The following NFIB variants were observed in gnomAD, a reference collection of about 807,000 sequenced individuals.
NFIB encodes the protein nuclear factor I B.
A neutral mutation model predicts 61.5 loss-of-function variants in NFIB; 11 were observed. The observed-to-expected ratio is 0.18, with a 90% CI of 0.11 to 0.30. NFIB has a LOEUF of 0.30. Ranked by LOEUF, NFIB falls within the 10% of genes least tolerant of loss-of-function variation. The probability of loss-of-function intolerance (pLI) is 1.00; values close to 1 mark genes in which losing one functional copy is unlikely to be tolerated. For synonymous variants in NFIB, 260 were observed against 216.5 expected (o/e 1.20, Z -1.76); for missense variants, 471 against 608.9 (o/e 0.77, Z 2.38).
chr9:14,214,864 A>C (rs2050686068), intron 2 of NFIB, among the ~76,000 whole-genome samples: 1 of 152,212 alleles, frequency 6.6e-6, no homozygotes, highest in Non-Finnish European at 1.5e-5. Context: ...CAGTGCAGAG[A>C]GCCATCCTAT....
intron 3 of NFIB, among the ~76,000 whole-genome samples, chr9:14,158,711 C>A (rs1199852036): frequency 2.6e-5 from 4 of 152,150 alleles, no homozygotes; most frequent in Non-Finnish European, 5.9e-5. Flanking sequence ...ATTATACTAA[C>A]CTCTGTTATT....
the NFIB span, among the ~76,000 whole-genome samples, chr9:14,483,635 G>A: frequency 6.6e-6 from 1 of 152,128 alleles, no homozygotes; most frequent in South Asian, 2.1e-4. Context: ...AGGGATTAAA[G>A]GAAATTCTTA....
At chr9:14,172,626 A>C (rs2045690643) in intron 3 of NFIB, among the ~76,000 whole-genome samples, 1 of 152,246 alleles carries the variant, frequency 6.6e-6, no homozygotes, top group Non-Finnish European at 1.5e-5. Context: ...CTTTCTAAAA[A>C]TTACAATTCT....
the NFIB span, among the ~76,000 whole-genome samples, chr9:14,449,964 A>T: frequency 1.4e-4 from 22 of 151,728 alleles, no homozygotes; most frequent in Admixed American, 5.3e-4. Flanking sequence ...AATAAATAAA[A>T]TTTTTTTTAA....
intron 1 of NFIB, chr9:14,321,848 A>T: frequency 8.2e-7 from 1 of 1,225,050 alleles, no homozygotes; most frequent in South Asian, 4.1e-5. Context: ...TGCAATCCAC[A>T]AACAGGAAAA....
intron 10 of NFIB, chr9:14,102,650 CA>C (rs59354958): frequency 3.8e-4 from 206 of 544,634 alleles, no homozygotes; most frequent in Non-Finnish European, 4.2e-4. Context: ...AAAAAAAAAG[CA>C]AAAAAAAATC....
intron 4 of NFIB, 81 bp from the exon 5 acceptor site, chr9:14,150,346 C>G: frequency 6.3e-7 from 1 of 1,592,388 alleles, no homozygotes; most frequent in Non-Finnish European, 8.6e-7. Flanking sequence ...GAGAATCTTT[C>G]ATGCCTCTGG....
At chr9:14,381,231 G>A (rs565876585) in intron 1 of NFIB, among the ~76,000 whole-genome samples, 16 of 151,194 alleles carry the variant, frequency 1.1e-4, no homozygotes, top group Middle Eastern at 3.4e-3. Context: ...TCCCTCTGTC[G>A]CCCAGGCTGG....
At chr9:14,292,886 A>G (rs1473542869) in intron 2 of NFIB, among the ~76,000 whole-genome samples, 2 of 152,232 alleles carry the variant, frequency 1.3e-5, no homozygotes, top group East Asian at 3.8e-4. Context: ...CCATACGCAG[A>G]TATGTCTTCT....
chr9:14,191,193 C>T (rs748360324), intron 2 of NFIB, among the ~76,000 whole-genome samples: 13 of 151,180 alleles, frequency 8.6e-5, no homozygotes, highest in Admixed American at 2.0e-4. Flanking sequence ...CTGGGCATAG[C>T]GGTGGGTGCC....
chr9:14,265,814 AAG>A (rs2057153786), intron 2 of NFIB, among the ~76,000 whole-genome samples: 1 of 152,214 alleles, frequency 6.6e-6, no homozygotes, highest in Admixed American at 6.5e-5. Context: ...AGTGGAGAGA[AAG>A]AGTTCATTTA....
At position 14,120,601 on chromosome 9, in the gene NFIB, G is replaced by C; in HGVS notation, c.1084C>G (p.Pro362Ala). The C allele has an allele frequency of 6.2e-7, 1 of 1,611,278 alleles. No individual in the cohort carries two copies. Among genetic ancestry groups the C allele is most frequent in the African/African-American group, 1.3e-5 (1 of 74,826 alleles). The change falls in exon 8 of 11, where the codon CCA (proline) becomes GCA (alanine). Residue 362 changes from proline (P) to alanine (A), a missense_variant. This residue lies in a region of NFIB where 372 missense variants were observed against 395.6 expected (regional missense o/e 0.94). Transcript: ENST00000380953. This position sits in a 1 kb window ranked among gnomAD's most constrained non-coding sequence, Gnocchi z 4.4. ...GTTGGAAATGGCAACGGTGAAGGTG[G>C]AGGTGGAGTTCGAGTTGAGATGACT... ...HSVISTRTPP[P>A]PSPLPFPTQA...
chr9:14,347,061 A>T (rs1334937729), intron 1 of NFIB, among the ~76,000 whole-genome samples: 2 of 151,582 alleles, frequency 1.3e-5, no homozygotes, highest in Non-Finnish European at 2.9e-5. Context: ...TCGGGAGACA[A>T]CCCGCCCGGC....
chr9:14,352,432 C>G (rs7848252), intron 1 of NFIB, among the ~76,000 whole-genome samples: 1 of 151,770 alleles, frequency 6.6e-6, no homozygotes, highest in Non-Finnish European at 1.5e-5. Flanking sequence ...AAGAAGTGAG[C>G]GAGGCCACAG....
intron 2 of NFIB, among the ~76,000 whole-genome samples, chr9:14,185,322 A>G (rs1035848617): frequency 1.4e-4 from 21 of 152,204 alleles, no homozygotes; most frequent in African/African-American, 5.1e-4. Flanking sequence ...GAAGATCTTT[A>G]TAAGACCCAA....
At chr9:14,442,521 G>A in the NFIB span, among the ~76,000 whole-genome samples, 1 of 152,110 alleles carries the variant, frequency 6.6e-6, no homozygotes, top group African/African-American at 2.4e-5. Context: ...AGTTCTAGAG[G>A]CTACAAGGAG....
At chr9:14,239,248 G>A (rs143519898) in intron 2 of NFIB, among the ~76,000 whole-genome samples, 59 of 152,210 alleles carry the variant, frequency 3.9e-4, no homozygotes, top group African/African-American at 1.3e-3. Flanking sequence ...TTCACACAAT[G>A]GTCACAAAGA....
At chr9:14,384,833 A>G (rs981801904) in intron 1 of NFIB, among the ~76,000 whole-genome samples, 1 of 152,016 alleles carries the variant, frequency 6.6e-6, no homozygotes, top group Non-Finnish European at 1.5e-5. Context: ...TCCTTCCCAC[A>G]GGTCACACTA....
In NFIB at chr9:14,168,694, C is replaced by T. The variant is rs750817942; in HGVS notation, c.616+11033G>A. Reference sequence around the variant, plus strand: ...GATTAAGACATGAGGCAAAATATCGCTACAGAGATTAGGAAATGATTAAAA... The same window carrying T: ...GATTAAGACATGAGGCAAAATATCGTTACAGAGATTAGGAAATGATTAAAA... On this transcript the variant is annotated intron_variant, in intron 3 of 10. Coordinates refer to ENST00000380953, the MANE Select transcript of NFIB (RefSeq NM_001190737.2). Among the ~76,000 whole-genome samples, 7 of 152,268 alleles carry T rather than the reference C, an allele frequency of 4.6e-5. No individual in the cohort carries two copies. The South Asian group carries it at 1.5e-3, about 32-fold the overall frequency.
Sources: allele counts gnomAD v4.1 joint callset (sites outside exome capture counted in the v4.1 genomes callset), GRCh38; gene constraint gnomAD v4.1.1; regional missense constraint gnomAD v4.1.1; non-coding constraint Gnocchi (gnomAD v3.1); transcripts MANE v1.5; gene names NCBI Gene and HGNC (gene_info 2026-07-23, HGNC 2026-07-21).